Variants in PTCHD4 observed in about 807,000 individuals in gnomAD.
PTCHD4 encodes the protein patched domain-containing protein 4.
PTCHD4 carries 33 observed loss-of-function variants against 58.1 expected under a neutral mutation model. The observed-to-expected ratio is 0.57, with a 90% confidence interval of 0.43 to 0.76. The LOEUF (loss-of-function observed/expected upper bound fraction) is 0.76. Among genes scored for constraint, PTCHD4 ranks in the 30% least tolerant of loss-of-function variants. PTCHD4 has a pLI of 0.00. For synonymous variants in PTCHD4, 478 were observed against 409.6 expected (o/e 1.17, Z -2.02); for missense variants, 1,058 against 1,027.1 (o/e 1.03, Z -0.41).
intron 4 of PTCHD4, among the ~76,000 whole-genome samples, chr6:47,930,670 A>G (rs1225306859): frequency 1.3e-5 from 2 of 152,196 alleles, no homozygotes; most frequent in Admixed American, 6.6e-5. Context: ...ACCAGTTTGG[A>G]ATTTGAGTGA....
chr6:48,023,967 A>T (rs192895529), intron 3 of PTCHD4, among the ~76,000 whole-genome samples: 1 of 152,180 alleles, frequency 6.6e-6, no homozygotes, highest in Non-Finnish European at 1.5e-5. Flanking sequence ...TGGCTTTAAC[A>T]TTCAGAGAAC....
chr6:47,906,570 C>A (rs1764894478), intron 4 of PTCHD4, among the ~76,000 whole-genome samples: 1 of 152,160 alleles, frequency 6.6e-6, no homozygotes, highest in Non-Finnish European at 1.5e-5. Flanking sequence ...TCTCTTTTTG[C>A]ACCTCCATTT....
intron 3 of PTCHD4, among the ~76,000 whole-genome samples, chr6:48,033,751 G>A (rs1763532099): frequency 6.6e-6 from 1 of 151,956 alleles, no homozygotes; most frequent in Non-Finnish European, 1.5e-5. Context: ...AAGGGTAGTT[G>A]GACCAACACT....
At chr6:47,900,939 G>T (rs1581849067) in intron 4 of PTCHD4, 1 of 152,082 alleles carries the variant, frequency 6.6e-6, no homozygotes, top group African/African-American at 2.4e-5. Context: ...TGGATCATGA[G>T]GTCAGGAGAT....
At chr6:47,909,523 C>T (rs1765000021) in intron 4 of PTCHD4, among the ~76,000 whole-genome samples, 1 of 152,140 alleles carries the variant, frequency 6.6e-6, no homozygotes, top group Non-Finnish European at 1.5e-5. Context: ...AAGATGCACA[C>T]TGTAACCTTG....
At chr6:48,087,149 C>G (rs889501838) in intron 1 of PTCHD4, among the ~76,000 whole-genome samples, 12 of 152,126 alleles carry the variant, frequency 7.9e-5, no homozygotes, top group Non-Finnish European at 1.0e-4. Context: ...TGTGACATGG[C>G]ATTTGTTTCA....
chr6:48,030,504 C>T (rs1237996766), intron 3 of PTCHD4, among the ~76,000 whole-genome samples: 1 of 152,074 alleles, frequency 6.6e-6, no homozygotes, highest in Non-Finnish European at 1.5e-5. Context: ...AGCTCTCTTC[C>T]AGGATTTTGC....
Position 48,008,710 on chromosome 6 carries a change from G to A in PTCHD4, c.822C>T (p.Ile274=). The change falls in exon 4 of 5, where the codon ATC becomes ATT. Residue 274 remains isoleucine, a synonymous_variant. Coordinates refer to ENST00000339488, the MANE Select transcript of PTCHD4 (RefSeq NM_001384253.1). ...LGVLTVCISI[I]TAAGIFFITD... ...TGATGAAGAAGATCCCTGCTGCTGT[G>A]ATGATGGAGATGCATACTGTGAGCA... 6.2e-7 allele frequency: 1 copy of A among 1,613,848 alleles called. No homozygotes were observed. Among genetic ancestry groups the A allele is most frequent in the Non-Finnish European group, 8.5e-7 (1 of 1,179,872 alleles).
At chr6:47,985,318 G>T (rs543996882) in intron 4 of PTCHD4, among the ~76,000 whole-genome samples, 96 of 152,126 alleles carry the variant, frequency 6.3e-4, no homozygotes, top group African/African-American at 2.3e-3. Context: ...ACTGATAAGT[G>T]GTACAAGGAC....
At chr6:47,889,468 G>A (rs1764308768) in intron 4 of PTCHD4, among the ~76,000 whole-genome samples, 2 of 151,822 alleles carry the variant, frequency 1.3e-5, no homozygotes, top group Non-Finnish European at 1.5e-5. Flanking sequence ...TTTGAGAAGT[G>A]TCTGTTCATG....
At chr6:47,922,157 T>C (rs1167288858) in intron 4 of PTCHD4, among the ~76,000 whole-genome samples, 1 of 151,914 alleles carries the variant, frequency 6.6e-6, no homozygotes, top group Non-Finnish European at 1.5e-5. Flanking sequence ...AAAGTTACTA[T>C]TTTGTAGATT....
At chr6:48,003,515 A>T (rs1768819116) in intron 4 of PTCHD4, among the ~76,000 whole-genome samples, 1 of 152,058 alleles carries the variant, frequency 6.6e-6, no homozygotes, top group South Asian at 2.1e-4. Flanking sequence ...CCTTTTTATC[A>T]CCATCCCTGC....
intron 4 of PTCHD4, among the ~76,000 whole-genome samples, chr6:47,953,177 G>A (rs568241788): frequency 1.3e-5 from 2 of 152,154 alleles, no homozygotes; most frequent in South Asian, 2.1e-4. Context: ...TCTCCTGAGA[G>A]TTTATGACAA....
At chr6:48,086,974 A>G (rs957652686) in intron 1 of PTCHD4, among the ~76,000 whole-genome samples, 19 of 152,216 alleles carry the variant, frequency 1.2e-4, no homozygotes, top group South Asian at 4.1e-4. Context: ...TATATTAAAT[A>G]TAAAGGAACT....
At chr6:47,964,352 C>T (rs181322484) in intron 4 of PTCHD4, among the ~76,000 whole-genome samples, 1 of 152,084 alleles carries the variant, frequency 6.6e-6, no homozygotes, top group Non-Finnish European at 1.5e-5. Context: ...TGCATTGAGG[C>T]ACTAAGAACT....
chr6:48,019,422 A>C (rs1762978210), intron 3 of PTCHD4, among the ~76,000 whole-genome samples: 1 of 152,122 alleles, frequency 6.6e-6, no homozygotes, highest in South Asian at 2.1e-4. Flanking sequence ...AAGATAAGTA[A>C]GTAGGCAGGC....
intron 1 of PTCHD4, among the ~76,000 whole-genome samples, chr6:48,074,126 G>C (rs763742876): frequency 6.6e-6 from 1 of 151,636 alleles, no homozygotes; most frequent in Non-Finnish European, 1.5e-5. Context: ...TAGCCTCATC[G>C]CTTGGCTCAG....
At chr6:47,944,360 CA>C (rs1766341554) in intron 4 of PTCHD4, among the ~76,000 whole-genome samples, 1 of 152,090 alleles carries the variant, frequency 6.6e-6, no homozygotes, top group Admixed American at 6.6e-5. Flanking sequence ...AATAGCTTGG[CA>C]GCATTTGCAA....
At chr6:48,040,848 C>T (rs1365464739) in intron 3 of PTCHD4, among the ~76,000 whole-genome samples, 2 of 151,962 alleles carry the variant, frequency 1.3e-5, no homozygotes, top group Non-Finnish European at 2.9e-5. Flanking sequence ...AGCAATCTTC[C>T]TATTGACCCA....
Sources: allele counts gnomAD v4.1 joint callset (sites outside exome capture counted in the v4.1 genomes callset), GRCh38; gene constraint gnomAD v4.1.1; transcripts MANE v1.5; gene names NCBI Gene and HGNC (gene_info 2026-07-23, HGNC 2026-07-21).